The following ZNF438 variants were observed in gnomAD, a reference collection of about 807,000 sequenced individuals.
The protein encoded by ZNF438 is zinc finger protein 438.
A neutral mutation model predicts 38.0 loss-of-function variants in ZNF438; 25 were observed. The ratio of observed to expected loss-of-function variants is 0.66; its 90% CI spans 0.48 to 0.92. The LOEUF (loss-of-function observed/expected upper bound fraction) is 0.92, where lower values mean the gene tolerates loss of function less well. Among genes scored for constraint, ZNF438 ranks in the 40% least tolerant of loss-of-function variants. The pLI is 0.00. For synonymous variants in ZNF438, 372 were observed against 364.1 expected, an observed-to-expected ratio of 1.02 and a Z score of -0.25; for missense variants, 1,007 against 999.6, an observed-to-expected ratio of 1.01 and a Z score of -0.10.
intron 2 of ZNF438, among the ~76,000 whole-genome samples, chr10:30,929,921 G>A (rs2045436738): frequency 6.6e-6 from 1 of 152,214 alleles, no homozygotes; most frequent in Non-Finnish European, 1.5e-5. Context: ...ACAGAGTGCT[G>A]ATTGGTGCAT....
rs1554922202 is a variant in ZNF438 at position 31,010,922 on chromosome 10, A to AGATTTT, written c.-192+20905_-192+20910dup. On this transcript the variant is annotated intron_variant, in intron 1 of 5. Transcript: ENST00000413025. The stretch of plus-strand genomic sequence containing the variant: ...AAAAAAAAAAAAAAAAAAAAAAAAA[A>AGATTTT]GATTTTGTTGAGAAGGACAGACAGA... Among the ~76,000 whole-genome samples the AGATTTT allele has an allele frequency of 2.0e-3, 293 of 144,492 alleles. 4 individuals carry two copies. Among genetic ancestry groups the AGATTTT allele is most frequent in the African/African-American group, 7.3e-3 (282 of 38,538 alleles). The allele number at this position is 144,492 out of a possible 152,430, so 94.8% of individuals were successfully genotyped here.
chr10:30,961,229 G>T (rs1397479836), intron 1 of ZNF438, among the ~76,000 whole-genome samples: 1 of 119,202 alleles, frequency 8.4e-6, no homozygotes, highest in African/African-American at 2.8e-5. Context: ...CTAAAACTTA[G>T]AGTATAATAA....
chr10:30,973,997 C>G (rs890532141), intron 1 of ZNF438, among the ~76,000 whole-genome samples: 2 of 152,210 alleles, frequency 1.3e-5, no homozygotes, highest in Non-Finnish European at 2.9e-5. Context: ...AGCCGTTTCA[C>G]CACTCAGGAG....
intron 1 of ZNF438, among the ~76,000 whole-genome samples, chr10:30,996,147 T>C (rs1303043377): frequency 6.6e-6 from 1 of 151,950 alleles, no homozygotes; most frequent in Non-Finnish European, 1.5e-5. Context: ...CACACTACAA[T>C]ATATCTACTT....
chr10:30,862,174 C>T (rs1014634841), intron 4 of ZNF438, among the ~76,000 whole-genome samples: 1 of 152,140 alleles, frequency 6.6e-6, no homozygotes, highest in Non-Finnish European at 1.5e-5. Flanking sequence ...TGACATTTGC[C>T]GAGTCAGCTG....
intron 2 of ZNF438, among the ~76,000 whole-genome samples, chr10:30,930,038 C>T (rs929979783): frequency 4.6e-5 from 7 of 152,166 alleles, no homozygotes; most frequent in African/African-American, 9.7e-5. Context: ...GGTGGAGCTG[C>T]AGCCAGTCCC....
intron 4 of ZNF438, among the ~76,000 whole-genome samples, chr10:30,874,193 G>A (rs559443434): frequency 2.5e-4 from 37 of 146,112 alleles, no homozygotes; most frequent in Admixed American, 4.9e-4. Context: ...CTGTTGTCCA[G>A]GCTGGAATGC....
chr10:30,937,324 C>T (rs2046358756), intron 2 of ZNF438, among the ~76,000 whole-genome samples: 1 of 152,128 alleles, frequency 6.6e-6, no homozygotes, highest in Non-Finnish European at 1.5e-5. Context: ...TATTAAAATG[C>T]ATAACATGAT....
At chr10:31,013,119 A>G (rs866253196) in intron 1 of ZNF438, among the ~76,000 whole-genome samples, 14 of 152,266 alleles carry the variant, frequency 9.2e-5, no homozygotes, top group South Asian at 2.1e-4. Context: ...GGAGATCGAG[A>G]CCATCCCGGC....
chr10:30,973,560 A>G (rs989313960), intron 1 of ZNF438, among the ~76,000 whole-genome samples: 1 of 152,332 alleles, frequency 6.6e-6, no homozygotes, highest in Non-Finnish European at 1.5e-5. Context: ...GCATTTATTC[A>G]ATTCATGATA....
chr10:30,868,512 T>C (rs2036855127), intron 4 of ZNF438, among the ~76,000 whole-genome samples: 1 of 151,254 alleles, frequency 6.6e-6, no homozygotes, highest in African/African-American at 2.4e-5. Flanking sequence ...TTGTTGCCCA[T>C]TAATTTAAAG....
At chr10:30,899,947 T>C (rs2041794338) in intron 3 of ZNF438, among the ~76,000 whole-genome samples, 1 of 152,180 alleles carries the variant, frequency 6.6e-6, no homozygotes, top group Non-Finnish European at 1.5e-5. Flanking sequence ...TTTGTCAAAG[T>C]AGGGCAGTAT....
chr10:30,903,751 G>A (rs1343513933), intron 3 of ZNF438, among the ~76,000 whole-genome samples: 1 of 152,182 alleles, frequency 6.6e-6, no homozygotes. Context: ...TGTAGACCAT[G>A]TAACCTTCAA....
intron 2 of ZNF438, among the ~76,000 whole-genome samples, chr10:30,911,796 C>A (rs1038154062): frequency 5.3e-5 from 8 of 152,208 alleles, no homozygotes; most frequent in Admixed American, 1.3e-4. Context: ...CCAAAGGAAA[C>A]AGAAGTTATC....
intron 1 of ZNF438, among the ~76,000 whole-genome samples, chr10:30,998,547 A>T: frequency 9.7e-5 from 1 of 10,288 alleles, no homozygotes; most frequent in Non-Finnish European, 1.8e-4. Context: ...TCTCAAAAAA[A>T]AAAAAAAAAA....
chr10:30,874,318 T>C (rs918169497), intron 4 of ZNF438, among the ~76,000 whole-genome samples: 10 of 151,666 alleles, frequency 6.6e-5, no homozygotes, highest in African/African-American at 2.4e-5. Context: ...CTAGCTAATT[T>C]TGAAATTTTT....
chr10:30,857,590 C>T (rs533664525), intron 4 of ZNF438: 3 of 1,075,682 alleles, frequency 2.8e-6, no homozygotes, highest in South Asian at 1.6e-5. Context: ...TACTAACTTT[C>T]TGAAAGCCCA....
intron 3 of ZNF438, among the ~76,000 whole-genome samples, chr10:30,879,667 T>C (rs1468869605): frequency 6.6e-6 from 1 of 152,094 alleles, no homozygotes; most frequent in Non-Finnish European, 1.5e-5. Context: ...AACTATAATG[T>C]ATAAGATGAA....
intron 4 of ZNF438, among the ~76,000 whole-genome samples, chr10:30,866,023 T>C (rs2036371107): frequency 6.6e-6 from 1 of 152,220 alleles, no homozygotes; most frequent in South Asian, 2.1e-4. Context: ...TCTAGCAACT[T>C]AGCCAAGTAA....
Sources: gnomAD v4.1 joint callset for allele counts (sites outside exome capture counted in the v4.1 genomes callset) on GRCh38, gnomAD v4.1.1 for gene constraint, MANE v1.5 for transcripts, NCBI Gene and HGNC (gene_info 2026-07-23, HGNC 2026-07-21) for gene names.